The following SPMIP4 variants were observed in gnomAD, a reference collection of about 807,000 sequenced individuals.
SPMIP4 encodes sperm microtubule inner protein 4.
chr7:25,158,472 G>A, the SPMIP4 span: 3 of 1,572,796 alleles, frequency 1.9e-6, no homozygotes, highest in Non-Finnish European at 2.6e-6. Flanking sequence ...GATTATAACA[G>A]AGAAGGAAAA....
the SPMIP4 span, among the ~76,000 whole-genome samples, chr7:25,145,064 G>C: frequency 6.6e-6 from 1 of 151,308 alleles, no homozygotes; most frequent in Non-Finnish European, 1.5e-5. Flanking sequence ...CCGGGTTCAA[G>C]TGATTCTCCT....
chr7:25,135,583 T>A, the SPMIP4 span: 1 of 895,552 alleles, frequency 1.1e-6, no homozygotes, highest in Non-Finnish European at 1.3e-6. Flanking sequence ...ATAATTTGTA[T>A]AGTCATTCAT....
At chr7:25,171,584 GA>G in the SPMIP4 span, among the ~76,000 whole-genome samples, 6 of 151,264 alleles carry the variant, frequency 4.0e-5, no homozygotes, top group Non-Finnish European at 7.4e-5. Context: ...ACTGGGAGGA[GA>G]AAAAAAAATC....
At chr7:25,142,625 A>C in the SPMIP4 span, 820 of 1,591,824 alleles carry the variant, frequency 5.2e-4, 5 homozygotes, top group African/African-American at 0.01. Flanking sequence ...TACTTGTATG[A>C]AAGTGAACTC....
At chr7:25,138,061 G>A in the SPMIP4 span, among the ~76,000 whole-genome samples, 2 of 152,076 alleles carry the variant, frequency 1.3e-5, no homozygotes, top group African/African-American at 4.8e-5. The surrounding 1 kb of genome is among the most constrained non-coding windows in gnomAD (Gnocchi z 6.2). Context: ...CCAATTTTGG[G>A]AGGACCACTT....
chr7:25,163,932 T>C, the SPMIP4 span, among the ~76,000 whole-genome samples: 1 of 152,236 alleles, frequency 6.6e-6, no homozygotes, highest in South Asian at 2.1e-4. This position sits in a 1 kb window ranked among gnomAD's most constrained non-coding sequence, Gnocchi z 4.4. Context: ...AGGAACTCAA[T>C]GTACTGCAAA....
At chr7:25,140,544 C>T in the SPMIP4 span, among the ~76,000 whole-genome samples, 1 of 151,914 alleles carries the variant, frequency 6.6e-6, no homozygotes, top group Admixed American at 6.6e-5. Context: ...TCAGGTGGTC[C>T]ACCCGCCTCA....
At chr7:25,155,130 A>G in the SPMIP4 span, 1 of 1,613,122 alleles carries the variant, frequency 6.2e-7, no homozygotes, top group Non-Finnish European at 8.5e-7. Flanking sequence ...GGTGGGGAAC[A>G]TGGCGCCGCG....
the SPMIP4 span, chr7:25,135,447 A>C: frequency 1.1e-5 from 11 of 985,660 alleles, no homozygotes; most frequent in African/African-American, 1.7e-5. Flanking sequence ...CTTTTAAGAC[A>C]ATATAGTTTT....
At chr7:25,160,128 CTGCTT>C in the SPMIP4 span, among the ~76,000 whole-genome samples, 197 of 152,312 alleles carry the variant, frequency 1.3e-3, no homozygotes, top group African/African-American at 4.6e-3. Context: ...CCCTTCACAT[CTGCTT>C]TGCAAAAATC....
the SPMIP4 span, chr7:25,154,940 CTTTAAT>C: frequency 2.8e-6 from 4 of 1,441,440 alleles, no homozygotes; most frequent in Non-Finnish European, 3.8e-6. Flanking sequence ...GTGCTCCTTG[CTTTAAT>C]TTTATTATTG....
the SPMIP4 span, among the ~76,000 whole-genome samples, chr7:25,155,995 C>T: frequency 2.0e-5 from 3 of 152,252 alleles, no homozygotes; most frequent in African/African-American, 7.2e-5. Flanking sequence ...TATTGAAATC[C>T]TAGTCTCCAG....
the SPMIP4 span, chr7:25,135,608 T>A: frequency 3.1e-5 from 27 of 864,340 alleles, no homozygotes; most frequent in African/African-American, 4.4e-4. Flanking sequence ...TATTGATCAT[T>A]TGAGTTCTTT....
chr7:25,177,805 T>C, the SPMIP4 span, among the ~76,000 whole-genome samples: 16 of 152,360 alleles, frequency 1.1e-4, no homozygotes, highest in East Asian at 3.1e-3. Flanking sequence ...TGTAATTTTT[T>C]TTTTTAAACT....
chr7:25,137,023 A>G, the SPMIP4 span, among the ~76,000 whole-genome samples: 1 of 152,226 alleles, frequency 6.6e-6, no homozygotes, highest in Non-Finnish European at 1.5e-5. Context: ...TTATTTGGCT[A>G]TACAGAACTC....
chr7:25,161,337 T>C, the SPMIP4 span: 2 of 730,690 alleles, frequency 2.7e-6, no homozygotes, highest in African/African-American at 1.8e-5. Context: ...AAAAGACAAA[T>C]AGATTAATAA....
chr7:25,132,899 C>T, the SPMIP4 span, among the ~76,000 whole-genome samples: 7 of 152,064 alleles, frequency 4.6e-5, no homozygotes, highest in African/African-American at 1.7e-4. The surrounding 1 kb of genome is among the most constrained non-coding windows in gnomAD (Gnocchi z 5.0). Flanking sequence ...GGGTTTTAGG[C>T]CAGAATGTTC....
At chr7:25,179,641 T>A in the SPMIP4 span, 1 of 199,436 alleles carries the variant, frequency 5.0e-6, no homozygotes, top group Non-Finnish European at 1.0e-5. Flanking sequence ...AATTTAACTA[T>A]AACTATTCAA....
the SPMIP4 span, chr7:25,179,408 G>A: frequency 7.4e-7 from 1 of 1,347,190 alleles, no homozygotes; most frequent in Non-Finnish European, 1.0e-6. Context: ...CTGCTAAATT[G>A]TTCAACCTGA....
Sources: allele counts gnomAD v4.1 joint callset (sites outside exome capture counted in the v4.1 genomes callset), GRCh38; gene constraint gnomAD v4.1.1; non-coding constraint Gnocchi (gnomAD v3.1); transcripts MANE v1.5; gene names NCBI Gene and HGNC (gene_info 2026-07-23, HGNC 2026-07-21).